Variants in BEND6 observed in about 807,000 individuals in gnomAD.
BEND6 encodes the protein BEN domain-containing protein 6.
In BEND6, 24 loss-of-function variants were observed where a neutral mutation model predicts 31.8. The ratio of observed to expected loss-of-function variants is 0.75; its 90% CI spans 0.55 to 1.06. The LOEUF is 1.06. Ranked by LOEUF, BEND6 falls within the 50% of genes least tolerant of loss-of-function variation. The pLI, the probability that BEND6 is intolerant of heterozygous loss-of-function variation, is 0.00. For missense variants in BEND6, 294 were observed against 327.4 expected, an observed-to-expected ratio of 0.90 and a Z score of 0.79; for synonymous variants, 109 against 114.6, an observed-to-expected ratio of 0.95 and a Z score of 0.31.
chr6:56,962,830 G>A (rs9349841), intron 1 of BEND6, among the ~76,000 whole-genome samples: 150,964 of 152,282 alleles, frequency 0.99, 74,847 homozygotes, highest in Non-Finnish European at 1. Context: ...CACTTCCCCA[G>A]AAGGCATGGA....
chr6:56,960,678 A>G (rs941705872), intron 1 of BEND6, among the ~76,000 whole-genome samples: 30 of 152,220 alleles, frequency 2.0e-4, no homozygotes, highest in African/African-American at 6.5e-4. Context: ...CTGAAAAAAT[A>G]TTGTCACTAG....
intron 3 of BEND6, among the ~76,000 whole-genome samples, chr6:56,995,169 T>G (rs1826658507): frequency 6.6e-6 from 1 of 152,084 alleles, no homozygotes; most frequent in African/African-American, 2.4e-5. Context: ...CAAGTTTTCC[T>G]TCTCTAATGA....
intron 3 of BEND6, chr6:57,004,767 T>C (rs914878620): frequency 3.9e-6 from 4 of 1,033,236 alleles, no homozygotes; most frequent in Non-Finnish European, 6.0e-6. Context: ...ATCACCTGAA[T>C]GAGCAGGTGA....
At chr6:56,989,050 AAAT>A (rs903784216) in intron 2 of BEND6, among the ~76,000 whole-genome samples, 1 of 151,622 alleles carries the variant, frequency 6.6e-6, no homozygotes, top group African/African-American at 2.4e-5. Context: ...ATAAATAAAT[AAAT>A]AATAACAATA....
intron 3 of BEND6, chr6:57,010,647 A>C: frequency 1.1e-6 from 1 of 923,210 alleles, no homozygotes; most frequent in Non-Finnish European, 1.3e-6. Flanking sequence ...AAATGGGAGA[A>C]TTTGCTATTT....
intron 6 of BEND6, among the ~76,000 whole-genome samples, chr6:57,024,846 A>C (rs1434784283): frequency 6.6e-6 from 1 of 152,032 alleles, no homozygotes; most frequent in African/African-American, 2.4e-5. Flanking sequence ...TAAGTCTTCG[A>C]TTTGGTCTTT....
At position 56,997,512 on chromosome 6, in the gene BEND6, C is replaced by T. The variant is rs6901192; in HGVS notation, c.298+4957C>T. Reference sequence around the variant, plus strand: ...GACTTCTGGCAACAGAAGTCAGGAACTGCCTACTGCCACTGCAGTGTTCAT... The same window carrying T: ...GACTTCTGGCAACAGAAGTCAGGAATTGCCTACTGCCACTGCAGTGTTCAT... On this transcript the variant is annotated intron_variant, in intron 3 of 6. Transcript: ENST00000370746. Among the ~76,000 whole-genome samples the T allele has an allele frequency of 2.6e-5, 4 of 152,178 alleles. No individual in the cohort carries two copies. The East Asian group carries it at 7.7e-4, about 29-fold the overall frequency.
At position 56,999,852 on chromosome 6, in the gene BEND6, G is replaced by A. The variant is rs552344493; in HGVS notation, c.298+7297G>A. Among the ~76,000 whole-genome samples, 4 of 152,330 alleles carry A rather than the reference G, an allele frequency of 2.6e-5. No individual in the cohort carries two copies. In the East Asian group the frequency reaches 7.7e-4, roughly 29 times the overall value. On this transcript the variant is annotated intron_variant, in intron 3 of 6. Coordinates refer to ENST00000370746, the MANE Select transcript of BEND6 (RefSeq NM_152731.3). ...TGGCCCGATATAAAACCTGCCAACA[G>A]AAGTGCATAGACCTGGCCGCCCATT...
chr6:56,982,011 C>A, intron 2 of BEND6, 81 bp downstream of exon 2: 1 of 1,320,180 alleles, frequency 7.6e-7, no homozygotes, highest in Non-Finnish European at 1.0e-6. Flanking sequence ...TTTATTAGTG[C>A]TTCTCCCTCT....
intron 1 of BEND6, among the ~76,000 whole-genome samples, chr6:56,956,385 A>G (rs1402868838): frequency 6.6e-6 from 1 of 152,234 alleles, no homozygotes; most frequent in Non-Finnish European, 1.5e-5. Flanking sequence ...ACAAAACCGT[A>G]CAGCTCTGCA....
At chr6:57,017,790 T>C (rs1270442459) in intron 5 of BEND6, among the ~76,000 whole-genome samples, 2 of 152,220 alleles carry the variant, frequency 1.3e-5, no homozygotes, top group East Asian at 3.8e-4. Flanking sequence ...AATTAATGAA[T>C]CTCCTTAAAT....
intron 3 of BEND6, among the ~76,000 whole-genome samples, chr6:57,006,634 A>T (rs1425664898): frequency 1.3e-5 from 2 of 152,210 alleles, no homozygotes; most frequent in African/African-American, 4.8e-5. Flanking sequence ...ACACATAATA[A>T]ATTTTGTCTT....
At chr6:56,990,995 A>G (rs1826476729) in intron 2 of BEND6, among the ~76,000 whole-genome samples, 1 of 152,224 alleles carries the variant, frequency 6.6e-6, no homozygotes, top group Non-Finnish European at 1.5e-5. Context: ...TACCTGGTGG[A>G]CACTCAACAA....
chr6:57,012,396 G>A (rs116588840), intron 3 of BEND6, among the ~76,000 whole-genome samples: 1,878 of 152,314 alleles, frequency 0.012, 22 homozygotes, highest in Non-Finnish European at 0.02. Context: ...CAGATTAGTG[G>A]TTGCCTCTGT....
At chr6:56,982,079 C>CT in intron 2 of BEND6, 149 bp downstream of exon 2, 3 of 1,059,680 alleles carry the variant, frequency 2.8e-6, no homozygotes, top group Non-Finnish European at 3.9e-6. Flanking sequence ...ATCTTATGTT[C>CT]TTTTTCTTTT....
At chr6:56,961,742 G>T in intron 1 of BEND6, among the ~76,000 whole-genome samples, 1 of 152,152 alleles carries the variant, frequency 6.6e-6, no homozygotes, top group East Asian at 1.9e-4. Flanking sequence ...AGACATTCTG[G>T]TAAATAAAGC....
At chr6:56,984,717 G>A (rs17685332) in intron 2 of BEND6, among the ~76,000 whole-genome samples, 9,993 of 152,066 alleles carry the variant, frequency 0.066, 483 homozygotes, top group Non-Finnish European at 0.1. Context: ...CTTCAATTAC[G>A]GCATCTGTGT....
intron 3 of BEND6, among the ~76,000 whole-genome samples, chr6:57,004,336 A>G (rs1038933336): frequency 1.3e-5 from 2 of 152,210 alleles, no homozygotes; most frequent in Non-Finnish European, 2.9e-5. Context: ...TCAGGATACA[A>G]AATAAATGTA....
At chr6:57,010,802 T>C in intron 3 of BEND6, 2 of 819,630 alleles carry the variant, frequency 2.4e-6, no homozygotes, top group Non-Finnish European at 2.9e-6. Flanking sequence ...ATAAAATAAA[T>C]GGATAATATA....
Sources: gnomAD v4.1 joint callset for allele counts (sites outside exome capture counted in the v4.1 genomes callset) on GRCh38, gnomAD v4.1.1 for gene constraint, MANE v1.5 for transcripts, NCBI Gene and HGNC (gene_info 2026-07-23, HGNC 2026-07-21) for gene names.